The following THADA variants were observed in gnomAD, a reference collection of about 807,000 sequenced individuals.
THADA encodes the protein tRNA (32-2'-O)-methyltransferase regulator THADA.
A neutral mutation model predicts 219.8 loss-of-function variants in THADA; 213 were observed. The ratio of observed to expected loss-of-function variants is 0.97; its 90% CI spans 0.87 to 1.09. The LOEUF (loss-of-function observed/expected upper bound fraction) is 1.09. Ranked by LOEUF, THADA falls within the 50% of genes least tolerant of loss-of-function variation. The pLI is 0.00. For synonymous variants in THADA, 1,018 were observed against 828.9 expected, an observed-to-expected ratio of 1.23 and a Z score of -3.92; for missense variants, 2,956 against 2,311.3, an observed-to-expected ratio of 1.28 and a Z score of -5.72.
chr2:43,327,244 A>G (rs931140530), intron 30 of THADA, among the ~76,000 whole-genome samples: 3 of 152,154 alleles, frequency 2.0e-5, no homozygotes, highest in Non-Finnish European at 4.4e-5. Flanking sequence ...TAGTTCTCTT[A>G]TCTTAGCTCC....
chr2:43,586,346 A>G, intron 7 of THADA, 55 bp downstream of exon 7: 5 of 1,376,322 alleles, frequency 3.6e-6, no homozygotes, highest in Non-Finnish European at 3.9e-6. Context: ...TCTTTGTACA[A>G]AGATAATGTA....
chr2:43,532,993 G>A (rs1225365283), intron 21 of THADA, among the ~76,000 whole-genome samples: 1 of 151,946 alleles, frequency 6.6e-6, no homozygotes, highest in Non-Finnish European at 1.5e-5. Context: ...CTATCCATCT[G>A]ACAAAGGTCT....
intron 30 of THADA, among the ~76,000 whole-genome samples, chr2:43,330,480 G>A (rs1471019725): frequency 2.0e-5 from 3 of 152,118 alleles, no homozygotes; most frequent in African/African-American, 4.8e-5. Context: ...CCAGCCACAC[G>A]GGACAAATGT....
At chr2:43,253,014 C>G (rs1320735232) in intron 36 of THADA, among the ~76,000 whole-genome samples, 1 of 152,174 alleles carries the variant, frequency 6.6e-6, no homozygotes, top group Non-Finnish European at 1.5e-5. Context: ...CTTGACTTGA[C>G]ATTCTTGATA....
intron 26 of THADA, chr2:43,463,138 T>C (rs571954487): frequency 6.6e-6 from 1 of 152,364 alleles, no homozygotes; most frequent in Admixed American, 6.5e-5. Flanking sequence ...TAAGTTGATT[T>C]AAGAAAATAT....
chr2:43,430,222 G>T lies in THADA; in HGVS notation c.3917C>A (p.Thr1306Lys). The change falls in exon 27 of 38, where the codon ACA (threonine) becomes AAA (lysine). Residue 1306 changes from threonine (T) to lysine (K), a missense_variant. Transcript: ENST00000405975. ...LLKQLETVAN[T>K]VDSDMGEPNR... Reference sequence around the variant, plus strand: ...CCAATTCTCTTCTTACCTGTCTACTGTATTGGCTACAGTTTCCAACTGTTT... The same window carrying T: ...CCAATTCTCTTCTTACCTGTCTACTTTATTGGCTACAGTTTCCAACTGTTT... 1 of 1,537,638 alleles carries T rather than the reference G, an allele frequency of 6.5e-7. No homozygotes were observed. The highest frequency in any genetic ancestry group is 8.8e-7 in the Non-Finnish European group (1 of 1,139,054).
Position 43,291,691 on chromosome 2 carries a change from C to A in THADA, c.5010+5G>T. 6.5e-7 allele frequency: 1 copy of A among 1,545,106 alleles called. No homozygotes were observed. The highest frequency in any genetic ancestry group is 8.8e-7 in the Non-Finnish European group (1 of 1,142,390). On this transcript the variant is annotated splice_donor_5th_base_variant and intron_variant, in intron 34 of 37. Transcript: ENST00000405975. ...GTCCCGGAACAAGATCAGAACCAGCCTTACCTCCACACATGTCTGCATGTG... is the reference window on the plus strand; with the variant it reads ...GTCCCGGAACAAGATCAGAACCAGCATTACCTCCACACATGTCTGCATGTG...
chr2:43,327,204 G>A (rs1332574114), intron 30 of THADA, among the ~76,000 whole-genome samples: 8 of 152,184 alleles, frequency 5.3e-5, no homozygotes, highest in Non-Finnish European at 7.4e-5. Context: ...AACAGGTGCA[G>A]CTGGCAGGCT....
chr2:43,536,532 G>C (rs1219645953), intron 21 of THADA, among the ~76,000 whole-genome samples: 1 of 151,998 alleles, frequency 6.6e-6, no homozygotes, highest in East Asian at 1.9e-4. Flanking sequence ...TTTAAAATTA[G>C]CATATCCTGC....
intron 30 of THADA, among the ~76,000 whole-genome samples, chr2:43,328,578 C>T (rs188352958): frequency 7.0e-4 from 106 of 152,330 alleles, no homozygotes; most frequent in African/African-American, 2.4e-3. Flanking sequence ...AAGTGAGAGA[C>T]CGTGAGCTGT....
intron 36 of THADA, 113 bp downstream of exon 36, chr2:43,279,652 A>G: frequency 7.4e-7 from 1 of 1,359,680 alleles, no homozygotes; most frequent in Non-Finnish European, 9.7e-7. Context: ...CAGAGTTGAG[A>G]CACAGACCAA....
intron 34 of THADA, among the ~76,000 whole-genome samples, chr2:43,287,937 C>T (rs1175528420): frequency 6.6e-6 from 1 of 152,164 alleles, no homozygotes; most frequent in African/African-American, 2.4e-5. Context: ...TTCCTGCTGG[C>T]TAAACAAGGA....
chr2:43,317,891 CATT>C (rs1265336402), intron 31 of THADA, among the ~76,000 whole-genome samples: 2 of 152,194 alleles, frequency 1.3e-5, no homozygotes, highest in African/African-American at 2.4e-5. Context: ...CATTCTTCAT[CATT>C]AATAATGTTA....
chr2:43,263,408 C>T (rs956380982), intron 36 of THADA, among the ~76,000 whole-genome samples: 1 of 152,086 alleles, frequency 6.6e-6, no homozygotes, highest in Non-Finnish European at 1.5e-5. Context: ...ATTGGGGGGG[C>T]ATTTTAAATA....
At chr2:43,446,613 G>A (rs947458433) in intron 26 of THADA, among the ~76,000 whole-genome samples, 3 of 152,156 alleles carry the variant, frequency 2.0e-5, no homozygotes, top group Non-Finnish European at 2.9e-5. Context: ...AAGAAGGACT[G>A]CCCAGCTAAA....
chr2:43,348,219 C>T (rs1385931119), intron 29 of THADA, among the ~76,000 whole-genome samples: 1 of 152,228 alleles, frequency 6.6e-6, no homozygotes, highest in African/African-American at 2.4e-5. Flanking sequence ...GGCCCACCTT[C>T]CTGTAGGGCA....
chr2:43,486,005 G>A (rs1012956814), intron 25 of THADA, among the ~76,000 whole-genome samples: 1 of 151,958 alleles, frequency 6.6e-6, no homozygotes, highest in Non-Finnish European at 1.5e-5. Context: ...GATTGCATAA[G>A]GCCAGGAGTT....
chr2:43,548,578 G>A (rs934673359), intron 20 of THADA, among the ~76,000 whole-genome samples: 5 of 152,136 alleles, frequency 3.3e-5, no homozygotes, highest in Admixed American at 6.5e-5. Flanking sequence ...AACGGTGGGC[G>A]CCCCTCCCCC....
intron 4 of THADA, 80 bp downstream of exon 4, chr2:43,590,744 C>G (rs1473575503): frequency 6.8e-7 from 1 of 1,478,464 alleles, no homozygotes; most frequent in Non-Finnish European, 9.2e-7. Flanking sequence ...TCAGTTTTAT[C>G]AAACCAAGGA....
Sources: allele counts gnomAD v4.1 joint callset (sites outside exome capture counted in the v4.1 genomes callset), GRCh38; gene constraint gnomAD v4.1.1; transcripts MANE v1.5; gene names NCBI Gene and HGNC (gene_info 2026-07-23, HGNC 2026-07-21).